Variants in EIF2B3 observed in about 807,000 individuals in gnomAD.
EIF2B3 encodes the protein eukaryotic translation initiation factor 2B subunit gamma, also known as translation initiation factor eIF2B subunit gamma.
Under a neutral mutation model 54.1 loss-of-function variants are expected in EIF2B3, and 20 were observed. That is an observed-to-expected ratio of 0.37 (90% CI 0.26 to 0.54). The LOEUF (loss-of-function observed/expected upper bound fraction) is 0.54. Among genes scored for constraint, EIF2B3 ranks in the 20% least tolerant of loss-of-function variants. The pLI is 0.86. For missense variants in EIF2B3, 448 were observed against 547.8 expected (o/e 0.82, Z 1.82); for synonymous variants, 153 against 188.1 (o/e 0.81, Z 1.52).
chr1:44,938,783 C>T (rs1384310217), intron 4 of EIF2B3, among the ~76,000 whole-genome samples: 1 of 151,950 alleles, frequency 6.6e-6, no homozygotes, highest in African/African-American at 2.4e-5. Context: ...CATGGTGCCC[C>T]CCAGTATCTT....
At chr1:44,918,579 C>G (rs776403934) in intron 5 of EIF2B3, among the ~76,000 whole-genome samples, 113 of 151,886 alleles carry the variant, frequency 7.4e-4, no homozygotes, top group Non-Finnish European at 1.3e-3. Context: ...TTAGTAGAAA[C>G]AGGGTTTCAC....
chr1:44,962,670 C>T (rs1036776273), intron 3 of EIF2B3, among the ~76,000 whole-genome samples: 2 of 152,128 alleles, frequency 1.3e-5, no homozygotes, highest in African/African-American at 4.8e-5. Flanking sequence ...CTGCCTTGGC[C>T]TCCCAAAGTG....
At chr1:44,920,543 C>T (rs1643718847) in intron 5 of EIF2B3, among the ~76,000 whole-genome samples, 1 of 152,188 alleles carries the variant, frequency 6.6e-6, no homozygotes, top group African/African-American at 2.4e-5. Context: ...CCCACACTCT[C>T]TACCCTTTCC....
intron 5 of EIF2B3, among the ~76,000 whole-genome samples, chr1:44,919,823 T>G (rs1643700697): frequency 6.7e-6 from 1 of 149,020 alleles, no homozygotes; most frequent in Non-Finnish European, 1.5e-5. Context: ...TTCAAGCGAT[T>G]CTCCTGCCTC....
intron 11 of EIF2B3, among the ~76,000 whole-genome samples, chr1:44,854,089 G>A (rs1277962727): frequency 3.4e-5 from 5 of 146,246 alleles, no homozygotes; most frequent in Non-Finnish European, 7.4e-5. Context: ...TGCAACCTCC[G>A]CCTCCCAGGT....
intron 3 of EIF2B3, among the ~76,000 whole-genome samples, chr1:44,962,907 T>C (rs900214915): frequency 2.0e-5 from 3 of 152,164 alleles, no homozygotes; most frequent in Non-Finnish European, 4.4e-5. Context: ...AATCCCTGTG[T>C]AAATACAGAA....
intron 1 of EIF2B3, among the ~76,000 whole-genome samples, chr1:44,985,927 C>T (rs1448453085): frequency 6.6e-6 from 1 of 152,198 alleles, no homozygotes; most frequent in Non-Finnish European, 1.5e-5. Flanking sequence ...TCCACGTGTG[C>T]TGCCTGAAGG....
chr1:44,920,884 C>T (rs1437058560), intron 5 of EIF2B3, among the ~76,000 whole-genome samples: 1 of 152,150 alleles, frequency 6.6e-6, no homozygotes, highest in Non-Finnish European at 1.5e-5. Flanking sequence ...ATACTGATTT[C>T]CTTTCTTGTG....
intron 2 of EIF2B3, among the ~76,000 whole-genome samples, chr1:44,979,579 T>G (rs264024): frequency 0.32 from 48,545 of 150,532 alleles, 8,890 homozygotes; most frequent in African/African-American, 0.49. Context: ...GATCGTTTGA[T>G]CCCAGGAGGC....
At chr1:44,853,994 G>GTTTTTTTTTTTTTTTTTTTTTTT (rs113200962) in intron 11 of EIF2B3, among the ~76,000 whole-genome samples, 4 of 137,472 alleles carry the variant, frequency 2.9e-5, no homozygotes, top group African/African-American at 2.8e-5. Context: ...AGCAGTTAGT[G>GTTTTTTTTTTTTTTTTTTTTTTT]TTTTTTTTTT....
chr1:44,948,686 C>T (rs1324859364), intron 3 of EIF2B3, among the ~76,000 whole-genome samples: 2 of 152,058 alleles, frequency 1.3e-5, no homozygotes, highest in African/African-American at 4.8e-5. Flanking sequence ...TAATTCTGTA[C>T]ACCACCTGGC....
intron 3 of EIF2B3, among the ~76,000 whole-genome samples, chr1:44,949,950 T>A (rs527551286): frequency 4.8e-4 from 73 of 152,294 alleles, no homozygotes; most frequent in African/African-American, 1.7e-3. Flanking sequence ...GAGTTCCCTA[T>A]AAAAATGCCT....
intron 10 of EIF2B3, among the ~76,000 whole-genome samples, chr1:44,866,053 C>T (rs1008688642): frequency 7.2e-5 from 11 of 151,974 alleles, no homozygotes; most frequent in Middle Eastern, 3.4e-3. Context: ...ATATCTACTA[C>T]GTAAAAAGTG....
chr1:44,979,548 C>T (rs996731961), intron 2 of EIF2B3, among the ~76,000 whole-genome samples: 6 of 147,008 alleles, frequency 4.1e-5, no homozygotes, highest in Non-Finnish European at 8.9e-5. Context: ...GTTGCAGCTA[C>T]TCAGGAGGCT....
chr1:44,892,830 GT>G (rs1655841767), intron 6 of EIF2B3, among the ~76,000 whole-genome samples: 1 of 152,116 alleles, frequency 6.6e-6, no homozygotes, highest in African/African-American at 2.4e-5. Context: ...GCTTAATTTT[GT>G]TGTTATTGAA....
At chr1:44,947,349 AAAC>A (rs1188926965) in intron 3 of EIF2B3, among the ~76,000 whole-genome samples, 1 of 152,222 alleles carries the variant, frequency 6.6e-6, no homozygotes, top group Non-Finnish European at 1.5e-5. Flanking sequence ...TGACTAAAGT[AAAC>A]AAATTAAGCT....
chr1:44,914,334 G>A (rs1643577446), intron 5 of EIF2B3, among the ~76,000 whole-genome samples: 1 of 151,598 alleles, frequency 6.6e-6, no homozygotes, highest in Non-Finnish European at 1.5e-5. Context: ...GTAATTTTTT[G>A]TATTTTTAGT....
chr1:44,875,987 T>A (rs1235865673), intron 8 of EIF2B3, among the ~76,000 whole-genome samples: 1 of 152,232 alleles, frequency 6.6e-6, no homozygotes, highest in Non-Finnish European at 1.5e-5. Flanking sequence ...GGTTTCGCTG[T>A]GTTGGCCGGG....
chr1:44,852,470 C>G (rs1310295694), intron 11 of EIF2B3, among the ~76,000 whole-genome samples: 1 of 152,066 alleles, frequency 6.6e-6, no homozygotes, highest in Non-Finnish European at 1.5e-5. Flanking sequence ...TACCACTCTC[C>G]TCTACTTCAC....
Sources: allele counts gnomAD v4.1 joint callset (sites outside exome capture counted in the v4.1 genomes callset), GRCh38; gene constraint gnomAD v4.1.1; transcripts MANE v1.5; gene names NCBI Gene and HGNC (gene_info 2026-07-23, HGNC 2026-07-21).